The following CNBD1 variants were observed in gnomAD, a reference collection of about 807,000 sequenced individuals.
The protein encoded by CNBD1 is cyclic nucleotide-binding domain-containing protein 1.
A neutral mutation model predicts 54.4 loss-of-function variants in CNBD1; 71 were observed. That is an observed-to-expected ratio of 1.30 (90% CI 1.08 to 1.59). The LOEUF is 1.59. CNBD1 is among the 40% of genes most tolerant of loss of function. The pLI is 0.00. For synonymous variants in CNBD1, 182 were observed against 170.7 expected (o/e 1.07, Z -0.51); for missense variants, 659 against 518.0 (o/e 1.27, Z -2.64).
chr8:87,379,255 G>C (rs1811022281), intron 10 of CNBD1, among the ~76,000 whole-genome samples: 1 of 151,906 alleles, frequency 6.6e-6, no homozygotes, highest in Non-Finnish European at 1.5e-5. Flanking sequence ...CCTACAAAGA[G>C]ACTTAGACTC....
intron 2 of CNBD1, among the ~76,000 whole-genome samples, chr8:87,425,122 A>C (rs1297298621): frequency 1.3e-5 from 2 of 151,746 alleles, no homozygotes; most frequent in Non-Finnish European, 2.9e-5. Context: ...TCGGCTCCTG[A>C]GGCTTCTGCA....
intron 2 of CNBD1, among the ~76,000 whole-genome samples, chr8:87,406,061 C>A (rs1239423835): frequency 6.6e-6 from 1 of 152,082 alleles, no homozygotes; most frequent in South Asian, 2.1e-4. Flanking sequence ...TATTTATCAA[C>A]CTAAAACATT....
chr8:87,263,579 A>G (rs1468947522), intron 6 of CNBD1, among the ~76,000 whole-genome samples: 1 of 152,172 alleles, frequency 6.6e-6, no homozygotes, highest in Non-Finnish European at 1.5e-5. Context: ...TTATATTCAC[A>G]TAGAATAGTA....
chr8:87,067,085 C>CA (rs1810669631), intron 4 of CNBD1, among the ~76,000 whole-genome samples: 1 of 151,910 alleles, frequency 6.6e-6, no homozygotes, highest in African/African-American at 2.4e-5. Context: ...TGTGTGCTGC[C>CA]ATCATTAGTT....
At chr8:87,338,582 G>A (rs1011243518) in intron 8 of CNBD1, among the ~76,000 whole-genome samples, 1 of 149,238 alleles carries the variant, frequency 6.7e-6, no homozygotes, top group African/African-American at 2.5e-5. Flanking sequence ...TATAGGTAAC[G>A]TATTTTTTAT....
At chr8:87,235,022 T>G (rs1028254843) in intron 5 of CNBD1, among the ~76,000 whole-genome samples, 1 of 152,336 alleles carries the variant, frequency 6.6e-6, no homozygotes, top group East Asian at 1.9e-4. Flanking sequence ...CTTTATGTTA[T>G]AGATATGTCT....
At chr8:87,125,162 T>A (rs998361548) in intron 4 of CNBD1, among the ~76,000 whole-genome samples, 13 of 151,802 alleles carry the variant, frequency 8.6e-5, no homozygotes, top group African/African-American at 2.9e-4. Flanking sequence ...TTGAAAGATA[T>A]CCTGTGTTCA....
intron 4 of CNBD1, among the ~76,000 whole-genome samples, chr8:87,134,593 CCTTTTTTTT>C (rs1563481577): frequency 1.5e-5 from 2 of 134,038 alleles, no homozygotes; most frequent in South Asian, 4.8e-4. Flanking sequence ...AATTAGATTA[CCTTTTTTTT>C]TTTTTTTTTT....
chr8:87,386,174 A>G (rs564891665), downstream of CNBD1, among the ~76,000 whole-genome samples: 1 of 152,250 alleles, frequency 6.6e-6, no homozygotes, highest in South Asian at 2.1e-4. Context: ...AAAACAGAGC[A>G]AAAAAACTGG....
chr8:86,997,633 A>G (rs972672680), intron 4 of CNBD1, among the ~76,000 whole-genome samples: 1 of 152,136 alleles, frequency 6.6e-6, no homozygotes, highest in African/African-American at 2.4e-5. Context: ...TACCTTTCCC[A>G]TGGCCCAATG....
At chr8:87,413,773 G>A (rs559230562) in intron 2 of CNBD1, among the ~76,000 whole-genome samples, 6 of 151,358 alleles carry the variant, frequency 4.0e-5, no homozygotes. Context: ...ATGAAAAAAT[G>A]CTCATCATCA....
chr8:87,330,049 A>G (rs1300295812), intron 8 of CNBD1, among the ~76,000 whole-genome samples: 2 of 151,968 alleles, frequency 1.3e-5, no homozygotes, highest in East Asian at 1.9e-4. Context: ...TTCTATATCA[A>G]TTGGAAGAAG....
At chr8:86,999,819 G>C (rs1414299590) in intron 4 of CNBD1, among the ~76,000 whole-genome samples, 2 of 152,116 alleles carry the variant, frequency 1.3e-5, no homozygotes, top group Non-Finnish European at 2.9e-5. Flanking sequence ...GTTCAGTGAT[G>C]CTCTTCAAAG....
chr8:87,402,860 C>T (rs963220147), intron 2 of CNBD1, among the ~76,000 whole-genome samples: 1 of 151,914 alleles, frequency 6.6e-6, no homozygotes, highest in Admixed American at 6.6e-5. Flanking sequence ...GAGACTATTG[C>T]AATAGTTAAA....
intron 6 of CNBD1, among the ~76,000 whole-genome samples, chr8:87,251,735 T>C (rs966258152): frequency 6.6e-6 from 1 of 152,142 alleles, no homozygotes; most frequent in Non-Finnish European, 1.5e-5. Context: ...TTTCTAATTG[T>C]ATTCTTTAGT....
intron 2 of CNBD1, among the ~76,000 whole-genome samples, chr8:87,409,312 C>G (rs1807701547): frequency 6.6e-6 from 1 of 152,090 alleles, no homozygotes; most frequent in Non-Finnish European, 1.5e-5. Flanking sequence ...GCCTCAGCAT[C>G]TAGAGCAAGG....
intron 2 of CNBD1, among the ~76,000 whole-genome samples, chr8:87,391,995 A>C (rs1034401113): frequency 6.6e-6 from 1 of 152,104 alleles, no homozygotes; most frequent in African/African-American, 2.4e-5. Flanking sequence ...TTAAAAATTA[A>C]TGAAGGGCAG....
At position 86,939,796 on chromosome 8, in the gene CNBD1, C is replaced by A. The variant is rs544013313; in HGVS notation, c.431+42C>A. 2.1e-5 allele frequency: 26 copies of A among 1,223,228 alleles called. No individual in the cohort carries two copies. The Admixed American group carries it at 4.0e-4, about 19-fold the overall frequency. The allele number at this position is 1,223,228 out of a possible 1,614,324, so 75.8% of individuals were successfully genotyped here. ...TATTCCTTCTTCTAATTGAGTAATT[C>A]TTTTGAATGGCTTTATTTTTTAAAG... is the stretch of plus-strand genomic sequence containing the variant. On this transcript the variant is annotated intron_variant, in intron 4 of 10. Coordinates refer to ENST00000518476, the MANE Select transcript of CNBD1 (RefSeq NM_173538.3).
chr8:87,197,787 C>T (rs1331196641), intron 4 of CNBD1, among the ~76,000 whole-genome samples: 3 of 152,166 alleles, frequency 2.0e-5, no homozygotes, highest in Non-Finnish European at 1.5e-5. Flanking sequence ...TTTTGAGTGA[C>T]TTTAATCTTT....
Sources: gnomAD v4.1 joint callset for allele counts (sites outside exome capture counted in the v4.1 genomes callset) on GRCh38, gnomAD v4.1.1 for gene constraint, MANE v1.5 for transcripts, NCBI Gene and HGNC (gene_info 2026-07-23, HGNC 2026-07-21) for gene names.